Variants in TRABD2B observed in about 807,000 individuals in gnomAD.
TRABD2B encodes metalloprotease TIKI2.
In TRABD2B, 14 loss-of-function variants were observed where a neutral mutation model predicts 40.1. The observed-to-expected ratio is 0.35, with a 90% CI of 0.23 to 0.55. The LOEUF is 0.55. Ranked by LOEUF, TRABD2B falls within the 20% of genes least tolerant of loss-of-function variation. The pLI, the probability that TRABD2B is intolerant of heterozygous loss-of-function variation, is 0.90. For synonymous variants in TRABD2B, 263 were observed against 277.0 expected (o/e 0.95, Z 0.50); for missense variants, 541 against 648.6 (o/e 0.83, Z 1.80).
chr1:47,824,345 G>A (rs1158507237), intron 2 of TRABD2B, among the ~76,000 whole-genome samples: 1 of 152,166 alleles, frequency 6.6e-6, no homozygotes, highest in Non-Finnish European at 1.5e-5. Context: ...TGAGTTACCA[G>A]CGCCCCCTCA....
At chr1:47,850,662 G>A (rs1260938551) in intron 2 of TRABD2B, among the ~76,000 whole-genome samples, 1 of 152,172 alleles carries the variant, frequency 6.6e-6, no homozygotes, top group Non-Finnish European at 1.5e-5. Context: ...GGACCAAGGG[G>A]TGAGTGAGTG....
chr1:47,886,967 T>A (rs967474791), intron 2 of TRABD2B, among the ~76,000 whole-genome samples: 4 of 151,542 alleles, frequency 2.6e-5, no homozygotes, highest in Non-Finnish European at 2.9e-5. Flanking sequence ...GAAGTGGGAG[T>A]GGGGTGGCGC....
chr1:47,794,188 C>CTG (rs1248472261), intron 4 of TRABD2B, among the ~76,000 whole-genome samples: 1 of 152,182 alleles, frequency 6.6e-6, no homozygotes, highest in Non-Finnish European at 1.5e-5. Context: ...AGAGCCAGGA[C>CTG]TGTGGGACGC....
chr1:47,871,293 C>A (rs562801553), intron 2 of TRABD2B, among the ~76,000 whole-genome samples: 5 of 152,146 alleles, frequency 3.3e-5, no homozygotes, highest in African/African-American at 1.2e-4. Flanking sequence ...CCCCAGCATA[C>A]GCCGTCAGTG....
At chr1:47,991,020 C>T (rs976634936) in intron 2 of TRABD2B, among the ~76,000 whole-genome samples, 4 of 151,148 alleles carry the variant, frequency 2.6e-5, no homozygotes, top group African/African-American at 9.7e-5. Flanking sequence ...CAATTTTAAG[C>T]CCTCAAGTCC....
At chr1:47,928,489 A>G (rs959558672) in intron 2 of TRABD2B, among the ~76,000 whole-genome samples, 1 of 152,140 alleles carries the variant, frequency 6.6e-6, no homozygotes, top group Non-Finnish European at 1.5e-5. Context: ...ACAACCTCTA[A>G]ACTCCACACC....
At chr1:47,909,559 A>AAGGAGGAGG (rs71056647) in intron 2 of TRABD2B, among the ~76,000 whole-genome samples, 27 of 117,414 alleles carry the variant, frequency 2.3e-4, no homozygotes, top group African/African-American at 8.8e-4. Context: ...AAGAAGGAAG[A>AAGGAGGAGG]AGGAGGAGGA....
Position 47,762,412 on chromosome 1 carries a change from C to T in TRABD2B, c.*3490G>A, listed in dbSNP as rs538743307. ...AGCTGCAATTCCCTGGAGAACTTCT[C>T]TTGTCCTTCACAGCATTTTCAATAG... On this transcript the variant is annotated 3_prime_UTR_variant, in exon 7 of 7. Coordinates refer to ENST00000606738, the MANE Select transcript of TRABD2B (RefSeq NM_001194986.2). The T allele has an allele frequency of 6.6e-6, 1 of 152,198 alleles. No homozygotes were observed. Among genetic ancestry groups the T allele is most frequent in the Non-Finnish European group, 1.5e-5 (1 of 68,046 alleles). The allele number at this position is 152,198 out of a possible 1,614,324, so 9.4% of individuals were successfully genotyped here. A position where few individuals can be genotyped will look rare whatever the true frequency, so the allele number is the denominator to read the frequency against.
intron 2 of TRABD2B, among the ~76,000 whole-genome samples, chr1:47,984,398 G>A (rs1487315675): frequency 1.3e-5 from 2 of 152,250 alleles, no homozygotes; most frequent in African/African-American, 4.8e-5. Flanking sequence ...TGCGCTCGCG[G>A]AGGCCAGGCC....
At chr1:47,903,735 T>A (rs1258431330) in intron 2 of TRABD2B, among the ~76,000 whole-genome samples, 1 of 152,024 alleles carries the variant, frequency 6.6e-6, no homozygotes, top group Non-Finnish European at 1.5e-5. Context: ...CCTTTCCAAA[T>A]CCCCCAGGGT....
intron 2 of TRABD2B, among the ~76,000 whole-genome samples, chr1:47,894,514 CA>C (rs1317142962): frequency 2.0e-5 from 3 of 152,100 alleles, no homozygotes; most frequent in African/African-American, 7.2e-5. Flanking sequence ...TACCTAATAC[CA>C]AGTGCCACGA....
intron 2 of TRABD2B, among the ~76,000 whole-genome samples, chr1:47,969,521 C>T (rs1645650709): frequency 6.6e-6 from 1 of 152,142 alleles, no homozygotes; most frequent in African/African-American, 2.4e-5. Context: ...AGGAAAAAGG[C>T]TGGGAGAGGT....
chr1:47,800,821 T>C (rs557561717), intron 3 of TRABD2B, among the ~76,000 whole-genome samples: 1 of 152,106 alleles, frequency 6.6e-6, no homozygotes, highest in East Asian at 1.9e-4. Context: ...CCCAGAAGCT[T>C]GAAAAGACAA....
intron 2 of TRABD2B, among the ~76,000 whole-genome samples, chr1:47,879,321 T>C (rs1240069581): frequency 6.6e-6 from 1 of 152,248 alleles, no homozygotes; most frequent in Non-Finnish European, 1.5e-5. Context: ...ATTTTTAATA[T>C]GTAAAATTTT....
chr1:47,858,778 C>G (rs1185789264), intron 2 of TRABD2B, among the ~76,000 whole-genome samples: 1 of 152,182 alleles, frequency 6.6e-6, no homozygotes, highest in African/African-American at 2.4e-5. Flanking sequence ...TTCCAGAAGC[C>G]TGCCAGACAA....
At chr1:47,990,854 T>C (rs1456971869) in intron 2 of TRABD2B, among the ~76,000 whole-genome samples, 5 of 124,986 alleles carry the variant, frequency 4.0e-5, no homozygotes, top group African/African-American at 1.2e-4. Context: ...GTTTTAGTGT[T>C]GAGGCTGGGA....
chr1:47,844,171 A>C (rs1645436369), intron 2 of TRABD2B, among the ~76,000 whole-genome samples: 1 of 152,144 alleles, frequency 6.6e-6, no homozygotes, highest in South Asian at 2.1e-4. Context: ...GTGCAATAAC[A>C]CCGTGCTGAC....
intron 2 of TRABD2B, among the ~76,000 whole-genome samples, chr1:47,900,516 T>C (rs914261336): frequency 6.6e-6 from 1 of 152,168 alleles, no homozygotes; most frequent in Non-Finnish European, 1.5e-5. Flanking sequence ...GCCAAGGTCA[T>C]GCAGCTAGAA....
chr1:47,816,109 G>A (rs1645028847), intron 2 of TRABD2B, among the ~76,000 whole-genome samples: 1 of 152,084 alleles, frequency 6.6e-6, no homozygotes, highest in Non-Finnish European at 1.5e-5. Flanking sequence ...GGCTGTTTTT[G>A]TGTCTTCAGC....
Sources: gnomAD v4.1 joint callset for allele counts (sites outside exome capture counted in the v4.1 genomes callset) on GRCh38, gnomAD v4.1.1 for gene constraint, MANE v1.5 for transcripts, NCBI Gene and HGNC (gene_info 2026-07-23, HGNC 2026-07-21) for gene names.